The following VWA8 variants were observed in gnomAD, a reference collection of about 807,000 sequenced individuals.
VWA8 encodes the protein von Willebrand factor A domain containing 8.
In VWA8, 221 loss-of-function variants were observed where a neutral mutation model predicts 241.5. The observed-to-expected ratio is 0.91, with a 90% CI of 0.82 to 1.02. The LOEUF (loss-of-function observed/expected upper bound fraction) is 1.02. Ranked by LOEUF, VWA8 falls within the 50% of genes least tolerant of loss-of-function variation. The pLI is 0.00. For missense variants in VWA8, 2,322 were observed against 2,328.7 expected (o/e 1.00, Z 0.06); for synonymous variants, 852 against 827.1 (o/e 1.03, Z -0.52).
intron 12 of VWA8, among the ~76,000 whole-genome samples, chr13:41,835,527 C>T (rs965478912): frequency 1.3e-5 from 2 of 152,032 alleles, no homozygotes; most frequent in Non-Finnish European, 2.9e-5. Flanking sequence ...CACCATCATC[C>T]GTGTTTACTG....
At chr13:41,901,889 A>AAAAT (rs1566500253) in intron 4 of VWA8, among the ~76,000 whole-genome samples, 23 of 83,298 alleles carry the variant, frequency 2.8e-4, no homozygotes, top group African/African-American at 7.0e-4. Context: ...AAAAAAAAAA[A>AAAAT]ATATATATAT....
At chr13:41,619,910 G>A (rs369775474) in intron 37 of VWA8, among the ~76,000 whole-genome samples, 3 of 152,146 alleles carry the variant, frequency 2.0e-5, no homozygotes, top group Non-Finnish European at 4.4e-5. Flanking sequence ...ATGTTCATCA[G>A]GGATATTGGT....
At chr13:41,669,151 T>A (rs959112052) in intron 37 of VWA8, among the ~76,000 whole-genome samples, 1 of 152,172 alleles carries the variant, frequency 6.6e-6, no homozygotes, top group Admixed American at 6.5e-5. Context: ...AACTTTAAAC[T>A]GGAGACATAA....
At chr13:41,759,216 T>G (rs1389305353) in intron 21 of VWA8, among the ~76,000 whole-genome samples, 3 of 151,664 alleles carry the variant, frequency 2.0e-5, no homozygotes, top group African/African-American at 4.8e-5. Flanking sequence ...CCAAATATAC[T>G]AATCTATACT....
intron 17 of VWA8, chr13:41,808,071 T>C (rs1175094543): frequency 7.9e-5 from 12 of 152,102 alleles, no homozygotes; most frequent in Admixed American, 7.9e-4. Flanking sequence ...TCACTATACT[T>C]ATATCAGACA....
intron 2 of VWA8, among the ~76,000 whole-genome samples, chr13:41,914,548 AGAG>A (rs1048209897): frequency 6.4e-4 from 97 of 152,346 alleles, no homozygotes; most frequent in African/African-American, 2.3e-3. Flanking sequence ...AAACAAAATA[AGAG>A]TTAAGACACC....
intron 12 of VWA8, among the ~76,000 whole-genome samples, chr13:41,845,035 A>G (rs1246257139): frequency 6.6e-6 from 1 of 152,172 alleles, no homozygotes; most frequent in Non-Finnish European, 1.5e-5. Context: ...TGCCACACAA[A>G]TAGAAAAAAT....
chr13:41,571,283 G>T (rs115613913), intron 43 of VWA8, among the ~76,000 whole-genome samples: 3 of 119,778 alleles, frequency 2.5e-5, no homozygotes, highest in African/African-American at 3.0e-5. Flanking sequence ...TCCCTCTCCC[G>T]TCTCCCTCTC....
chr13:41,666,850 C>T (rs746186138), intron 37 of VWA8, among the ~76,000 whole-genome samples: 1 of 152,114 alleles, frequency 6.6e-6, no homozygotes, highest in African/African-American at 2.4e-5. Flanking sequence ...TCTACTGACA[C>T]GTGGCGAGGA....
At position 41,941,268 on chromosome 13, in the gene VWA8, T is replaced by C. The variant is rs568797365; in HGVS notation, c.241+8668A>G. ...CAGTGAATTCTCTCACTTAAGAAGA[T>C]TCCCAATATAATTAAGCATTTGTGA... is the stretch of plus-strand genomic sequence containing the variant. On this transcript the variant is annotated intron_variant, in intron 2 of 44. Coordinates refer to ENST00000379310, the MANE Select transcript of VWA8 (RefSeq NM_015058.2). 1.3e-4 allele frequency among the ~76,000 whole-genome samples: 20 copies of C among 152,346 alleles called. No individual in the cohort carries two copies. In the South Asian group the frequency reaches 3.9e-3, roughly 30 times the overall value.
intron 12 of VWA8, among the ~76,000 whole-genome samples, chr13:41,834,253 A>G (rs1871617428): frequency 6.6e-6 from 1 of 152,220 alleles, no homozygotes; most frequent in African/African-American, 2.4e-5. Context: ...AAAAAACTGG[A>G]GCTATATAAT....
At chr13:41,906,138 A>AT (rs1171900238) in intron 4 of VWA8, among the ~76,000 whole-genome samples, 1 of 151,970 alleles carries the variant, frequency 6.6e-6, no homozygotes, top group East Asian at 1.9e-4. Flanking sequence ...TTTTAAGTGC[A>AT]TTTTTTTCTT....
At position 41,845,611 on chromosome 13, in the gene VWA8, T is replaced by C. The variant is rs1166705135; in HGVS notation, c.1426-12080A>G. ...TTGGATAAAGAAAATGTAATACATATACACCATTAAATAATATGCAGCCAT... is the reference window on the plus strand; with the variant it reads ...TTGGATAAAGAAAATGTAATACATACACACCATTAAATAATATGCAGCCAT... On this transcript the variant is annotated intron_variant, in intron 12 of 44. Transcript: ENST00000379310. Among the ~76,000 whole-genome samples the C allele has an allele frequency of 3.3e-5, 5 of 151,798 alleles. No individual in the cohort carries two copies. The East Asian group carries it at 5.8e-4, about 18-fold the overall frequency.
At chr13:41,691,470 G>C (rs1387091303) in intron 31 of VWA8, 25 bp from the exon 32 acceptor site, 2 of 1,609,316 alleles carry the variant, frequency 1.2e-6, no homozygotes, top group Admixed American at 3.4e-5. Flanking sequence ...AACTGTATCT[G>C]AAAGGAAATG....
intron 37 of VWA8, among the ~76,000 whole-genome samples, chr13:41,631,741 A>T (rs923716825): frequency 5.3e-5 from 8 of 152,218 alleles, no homozygotes; most frequent in Non-Finnish European, 8.8e-5. Context: ...ACGGATTAAG[A>T]TGCTATACTT....
intron 21 of VWA8, among the ~76,000 whole-genome samples, chr13:41,757,470 G>A (rs1455646164): frequency 6.6e-6 from 1 of 151,602 alleles, no homozygotes. Flanking sequence ...GATTTAGGGG[G>A]TACATGTGCA....
chr13:41,897,773 T>G (rs1875188326), intron 4 of VWA8, among the ~76,000 whole-genome samples: 1 of 151,952 alleles, frequency 6.6e-6, no homozygotes, highest in African/African-American at 2.4e-5. Context: ...TGGACCCAAA[T>G]AGTGGGCAGT....
Position 41,640,535 on chromosome 13 carries a change from G to A in VWA8, c.4612-25451C>T, listed in dbSNP as rs184974037. ...GCAAGAAAAAGCAATCATTCAGAGT[G>A]TTGGTAGATTAGCTGAAACATACAA... On this transcript the variant is annotated intron_variant, in intron 37 of 44. Transcript: ENST00000379310. Among the ~76,000 whole-genome samples, 210 of 152,342 alleles carry A rather than the reference G, an allele frequency of 1.4e-3. 1 individual carries two copies. Among genetic ancestry groups the A allele is most frequent in the African/African-American group, 4.5e-3 (186 of 41,582 alleles).
chr13:41,951,268 T>C (rs1389815465), intron 1 of VWA8, among the ~76,000 whole-genome samples: 1 of 151,900 alleles, frequency 6.6e-6, no homozygotes, highest in African/African-American at 2.4e-5. Context: ...AATACAAAAA[T>C]TAGCTGGGCG....
Sources: allele counts gnomAD v4.1 joint callset (sites outside exome capture counted in the v4.1 genomes callset), GRCh38; gene constraint gnomAD v4.1.1; transcripts MANE v1.5; gene names NCBI Gene and HGNC (gene_info 2026-07-23, HGNC 2026-07-21).